The following ANK3 variants were observed in gnomAD, a reference collection of about 807,000 sequenced individuals.
The protein encoded by ANK3 is ankyrin 3, also known as ankyrin-3.
Under a neutral mutation model 370.9 loss-of-function variants are expected in ANK3, and 57 were observed. The observed-to-expected ratio is 0.15, with a 90% CI of 0.12 to 0.19. The LOEUF is 0.19. Among genes scored for constraint, ANK3 ranks in the 10% least tolerant of loss-of-function variants. The pLI, the probability that ANK3 is intolerant of heterozygous loss-of-function variation, is 1.00. For synonymous variants in ANK3, 1,929 were observed against 1,946.3 expected (o/e 0.99, Z 0.23); for missense variants, 4,439 against 5,302.1 (o/e 0.84, Z 5.06).
chr10:60,437,347 G>T (rs1442314271), intron 2 of ANK3, among the ~76,000 whole-genome samples: 1 of 152,152 alleles, frequency 6.6e-6, no homozygotes, highest in Non-Finnish European at 1.5e-5. Flanking sequence ...ACAGGTGGGA[G>T]AAAACAGCTG....
chr10:60,695,498 G>A lies in ANK3; in HGVS notation c.57+37765C>T, dbSNP rs532542903. Among the ~76,000 whole-genome samples the A allele has an allele frequency of 4.6e-5, 7 of 152,146 alleles. No homozygotes were observed. The South Asian group carries it at 6.2e-4, about 14-fold the overall frequency. On this transcript the variant is annotated intron_variant, in intron 1 of 43. Coordinates refer to the ANK3 transcript ENST00000373827. Reference sequence around the variant, plus strand: ...TATTCCAAAATTGACCACATACTTCGAAGTAAAGCCCTCCTCAGCAAATGT... The same window carrying A: ...TATTCCAAAATTGACCACATACTTCAAAGTAAAGCCCTCCTCAGCAAATGT...
In ANK3 at chr10:60,532,100, C is replaced by T. The variant is rs532551686; in HGVS notation, c.96+83086G>A. The stretch of plus-strand genomic sequence containing the variant: ...ATATTGTTTAAAAGCCTGATTCTGA[C>T]ACACAGCCAGAGCTTAGGAACCTCT... On this transcript the variant is annotated intron_variant, in intron 2 of 43. Transcript: ENST00000373827. 2.6e-5 allele frequency among the ~76,000 whole-genome samples: 4 copies of T among 152,270 alleles called. No individual in the cohort carries two copies. In the South Asian group the frequency reaches 8.3e-4, roughly 32 times the overall value.
chr10:60,271,693 T>C (rs917378002), intron 4 of ANK3, among the ~76,000 whole-genome samples: 3 of 152,116 alleles, frequency 2.0e-5, no homozygotes, highest in African/African-American at 7.2e-5. Flanking sequence ...TATCAACTAC[T>C]ATATGATCAC....
In ANK3 at chr10:60,055,834, C is replaced by T; in HGVS notation, c.12889G>A (p.Ala4297Thr). Residue 4297 changes from alanine (A) to threonine (T), a missense_variant, in exon 42 of 44, where the codon GCA (alanine) becomes ACA (threonine). Ala to Thr is a moderately conservative substitution (Grantham distance 58). Around this residue, in one of 13 missense-constraint regions of ANK3, gnomAD observed 242 missense variants for 228.0 expected, o/e 1.06. Coordinates refer to ENST00000280772, the MANE Select transcript of ANK3 (RefSeq NM_020987.5). ...TTCTGATATGCTGCTAGTGGTGATG[C>T]TGGTTCTTCAACATGACCAGATCCA... ...IHGSGHVEEP[A>T]SPLAAYQKSL... is the part of the protein sequence containing the mutation. 1 of 1,614,186 alleles carries T rather than the reference C, an allele frequency of 6.2e-7. No homozygotes were observed. Among genetic ancestry groups the T allele is most frequent in the Non-Finnish European group, 8.5e-7 (1 of 1,180,012 alleles).
At chr10:60,665,363 G>C (rs2133375996) in intron 1 of ANK3, among the ~76,000 whole-genome samples, 1 of 152,304 alleles carries the variant, frequency 6.6e-6, no homozygotes, top group East Asian at 1.9e-4. Flanking sequence ...GCTAAAACAT[G>C]CTCGTCATTG....
intron 4 of ANK3, among the ~76,000 whole-genome samples, chr10:60,272,089 TTGTG>T (rs5785433): frequency 0.014 from 1,990 of 145,688 alleles, 47 homozygotes; most frequent in African/African-American, 0.042. Context: ...ACTGTGGGAT[TTGTG>T]TGTGTGTGTG....
At chr10:60,226,351 TA>T in intron 8 of ANK3, among the ~76,000 whole-genome samples, 1 of 22,472 alleles carries the variant, frequency 4.4e-5, no homozygotes, top group East Asian at 5.3e-3. Flanking sequence ...ATAGTATATG[TA>T]ATACTATATA....
At chr10:60,563,471 G>C (rs1442552) in intron 2 of ANK3, among the ~76,000 whole-genome samples, 71,560 of 151,988 alleles carry the variant, frequency 0.47, 17,241 homozygotes, top group Non-Finnish European at 0.52. Context: ...TCTTAGAAAG[G>C]TATGTATAAA....
At chr10:60,111,337 G>A (rs1235209477) in intron 26 of ANK3, among the ~76,000 whole-genome samples, 3 of 152,148 alleles carry the variant, frequency 2.0e-5, no homozygotes, top group Non-Finnish European at 2.9e-5. Flanking sequence ...ACCATTTATT[G>A]TTCTGAGGTT....
chr10:60,067,427 T>C (rs2081877652), intron 38 of ANK3, among the ~76,000 whole-genome samples: 1 of 152,176 alleles, frequency 6.6e-6, no homozygotes, highest in Non-Finnish European at 1.5e-5. Flanking sequence ...GAGTATCAGA[T>C]AAATAAACAT....
chr10:60,536,857 C>G (rs2076736339), intron 2 of ANK3, among the ~76,000 whole-genome samples: 1 of 151,908 alleles, frequency 6.6e-6, no homozygotes, highest in Admixed American at 6.6e-5. Flanking sequence ...GATCTGCTGT[C>G]TATAAAAACT....
chr10:60,224,746 T>C (rs1349171732), intron 8 of ANK3, among the ~76,000 whole-genome samples: 1 of 152,008 alleles, frequency 6.6e-6, no homozygotes, highest in Non-Finnish European at 1.5e-5. Flanking sequence ...AGATAGATCA[T>C]GGCTGTAGAA....
intron 1 of ANK3, among the ~76,000 whole-genome samples, chr10:60,654,442 G>A (rs375070467): frequency 5.9e-5 from 9 of 152,246 alleles, no homozygotes; most frequent in African/African-American, 1.9e-4. Context: ...TTTCATAGAT[G>A]TCTTTATTGA....
intron 7 of ANK3, among the ~76,000 whole-genome samples, chr10:60,236,208 G>A (rs1280372982): frequency 2.0e-5 from 3 of 151,962 alleles, no homozygotes; most frequent in Non-Finnish European, 2.9e-5. Context: ...TTGGCATCAT[G>A]TTATTTTACC....
intron 2 of ANK3, among the ~76,000 whole-genome samples, chr10:60,439,513 A>T (rs557663598): frequency 1.5e-4 from 23 of 152,164 alleles, no homozygotes; most frequent in East Asian, 3.9e-4. Flanking sequence ...CAACAAAAAA[A>T]AATAATTTAA....
intron 2 of ANK3, among the ~76,000 whole-genome samples, chr10:60,466,424 T>A (rs759018342): frequency 4.6e-5 from 7 of 152,182 alleles, no homozygotes; most frequent in Non-Finnish European, 7.4e-5. Context: ...AATGGTGAAA[T>A]AGGTTTTATT....
At chr10:60,211,212 CAA>C (rs2096849053) in intron 9 of ANK3, among the ~76,000 whole-genome samples, 1 of 152,096 alleles carries the variant, frequency 6.6e-6, no homozygotes, top group Non-Finnish European at 1.5e-5. Context: ...CCCAACTCAG[CAA>C]AGTCAGGTAA....
chr10:60,608,959 T>A (rs1416212458), intron 2 of ANK3, among the ~76,000 whole-genome samples: 1 of 152,172 alleles, frequency 6.6e-6, no homozygotes, highest in African/African-American at 2.4e-5. Flanking sequence ...TATTATACTT[T>A]AACATTTTTT....
At chr10:60,461,569 G>C (rs2064884926) in intron 2 of ANK3, among the ~76,000 whole-genome samples, 1 of 152,092 alleles carries the variant, frequency 6.6e-6, no homozygotes, top group Non-Finnish European at 1.5e-5. Context: ...GACATACTTT[G>C]TCTGACTTCG....
Sources: allele counts gnomAD v4.1 joint callset (sites outside exome capture counted in the v4.1 genomes callset), GRCh38; gene constraint gnomAD v4.1.1; regional missense constraint gnomAD v4.1.1; transcripts MANE v1.5; gene names NCBI Gene and HGNC (gene_info 2026-07-23, HGNC 2026-07-21).